The following SNTG2 variants were observed in gnomAD, a reference collection of about 807,000 sequenced individuals.
SNTG2 encodes the protein syntrophin gamma 2, also known as gamma-2-syntrophin.
SNTG2 carries 74 observed loss-of-function variants against 70.9 expected under a neutral mutation model. That is an observed-to-expected ratio of 1.04 (90% confidence interval 0.86 to 1.27). The LOEUF (loss-of-function observed/expected upper bound fraction) is 1.27, where lower values mean the gene tolerates loss of function less well. Ranked by LOEUF, SNTG2 falls within the 50% of genes most tolerant of loss-of-function variation. The pLI is 0.00. For synonymous variants in SNTG2, 278 were observed against 273.8 expected (o/e 1.02, Z -0.15); for missense variants, 717 against 690.7 (o/e 1.04, Z -0.43).
At chr2:1,261,958 G>A (rs911421077) in intron 13 of SNTG2, among the ~76,000 whole-genome samples, 1 of 152,148 alleles carries the variant, frequency 6.6e-6, no homozygotes, top group Admixed American at 6.5e-5. Flanking sequence ...GGTGTTCCGG[G>A]AGCCTGTCGC....
chr2:1,243,980 C>T (rs1275429039), intron 11 of SNTG2, among the ~76,000 whole-genome samples: 8 of 152,102 alleles, frequency 5.3e-5, no homozygotes, highest in East Asian at 1.9e-4. Flanking sequence ...GAGCCAAGAG[C>T]GTGCCACTGC....
intron 1 of SNTG2, among the ~76,000 whole-genome samples, chr2:1,012,756 C>A (rs1448616861): frequency 1.1e-5 from 1 of 91,054 alleles, no homozygotes; most frequent in Non-Finnish European, 2.5e-5. Context: ...GAAGGGTGGT[C>A]TGGAGAAGGA....
intron 1 of SNTG2, among the ~76,000 whole-genome samples, chr2:1,051,294 G>C (rs7581753): frequency 0.93 from 141,171 of 152,070 alleles, 65,680 homozygotes; most frequent in African/African-American, 0.98. Flanking sequence ...AGCACCCTTT[G>C]CTCATTCCTT....
chr2:1,240,193 G>A (rs1676956007), intron 11 of SNTG2, among the ~76,000 whole-genome samples: 2 of 152,134 alleles, frequency 1.3e-5, no homozygotes, highest in South Asian at 4.1e-4. Flanking sequence ...TCATTCTCAG[G>A]AGGGCTTTGG....
chr2:1,087,252 C>T (rs574652281), intron 2 of SNTG2, among the ~76,000 whole-genome samples: 1 of 152,332 alleles, frequency 6.6e-6, no homozygotes, highest in Non-Finnish European at 1.5e-5. Flanking sequence ...GTCCTCATGG[C>T]TGTGCTGGCC....
chr2:1,342,354 G>C (rs4971479), intron 16 of SNTG2, among the ~76,000 whole-genome samples: 6,045 of 44,610 alleles, frequency 0.14, 453 homozygotes, highest in African/African-American at 0.18. Context: ...AGAGTGGACT[G>C]GCACTTTTCC....
intron 4 of SNTG2, among the ~76,000 whole-genome samples, chr2:1,113,853 AAGTG>A (rs1303970971): frequency 4.6e-5 from 3 of 65,072 alleles, no homozygotes; most frequent in Non-Finnish European, 1.0e-4. Flanking sequence ...CGTGTGTACT[AAGTG>A]AGGATTAACC....
chr2:1,195,271 G>C (rs1558516488), intron 8 of SNTG2, among the ~76,000 whole-genome samples: 1 of 152,080 alleles, frequency 6.6e-6, no homozygotes, highest in Non-Finnish European at 1.5e-5. Flanking sequence ...TCAAATGGTA[G>C]TTCTAGTTCT....
intron 2 of SNTG2, among the ~76,000 whole-genome samples, chr2:1,095,104 G>A (rs1665305192): frequency 6.6e-6 from 1 of 152,206 alleles, no homozygotes; most frequent in South Asian, 2.1e-4. Flanking sequence ...AAAAAAGAGA[G>A]AGAGAGAGCG....
At chr2:1,057,844 G>T (rs1662562254) in intron 1 of SNTG2, among the ~76,000 whole-genome samples, 1 of 151,960 alleles carries the variant, frequency 6.6e-6, no homozygotes, top group South Asian at 2.1e-4. Context: ...AAATCTTCCA[G>T]CTGGACAACA....
chr2:1,312,365 A>C (rs1681041325), intron 15 of SNTG2, among the ~76,000 whole-genome samples: 1 of 152,012 alleles, frequency 6.6e-6, no homozygotes, highest in South Asian at 2.1e-4. Context: ...TCCTCTTCTC[A>C]CTCTCTGGAT....
chr2:970,725 A>G (rs551126171), intron 1 of SNTG2, among the ~76,000 whole-genome samples: 1 of 150,598 alleles, frequency 6.6e-6, no homozygotes, highest in East Asian at 2.0e-4. Context: ...GCCACAATAA[A>G]CATACGTGTG....
intron 15 of SNTG2, 63 bp downstream of exon 15, chr2:1,308,649 C>A: frequency 7.5e-7 from 1 of 1,329,590 alleles, no homozygotes; most frequent in Non-Finnish European, 1.1e-6. Context: ...ATTCCATGGG[C>A]GTTAACACTC....
intron 1 of SNTG2, among the ~76,000 whole-genome samples, chr2:959,121 C>T (rs575470282): frequency 2.6e-5 from 4 of 151,952 alleles, no homozygotes; most frequent in African/African-American, 9.7e-5. Context: ...AAATTCATTT[C>T]TATGTTGAAT....
At chr2:1,110,783 T>C (rs1482031201) in intron 4 of SNTG2, among the ~76,000 whole-genome samples, 1 of 152,238 alleles carries the variant, frequency 6.6e-6, no homozygotes, top group Non-Finnish European at 1.5e-5. Context: ...GTGATACAAC[T>C]ACTCAGGCCA....
In SNTG2 at chr2:1,353,269, A is replaced by G. The variant is rs1227648856; in HGVS notation, c.1489-14074A>G. ...AGAAACAGTGGGCGGAAGGAGCACGACCTGAGCTCCAGGGTGTGTTCATAT... is the reference window on the plus strand; with the variant it reads ...AGAAACAGTGGGCGGAAGGAGCACGGCCTGAGCTCCAGGGTGTGTTCATAT... On this transcript the variant is annotated intron_variant, in intron 16 of 16. Transcript: ENST00000308624. The surrounding 1 kb of genome is among the most constrained non-coding windows in gnomAD (Gnocchi z 4.2). Among the ~76,000 whole-genome samples the G allele has an allele frequency of 6.6e-6, 1 of 151,994 alleles. No homozygotes were observed. Among genetic ancestry groups the G allele is most frequent in the Non-Finnish European group, 1.5e-5 (1 of 67,990 alleles).
chr2:1,266,169 T>C (rs1182540718), intron 13 of SNTG2, among the ~76,000 whole-genome samples: 1 of 150,976 alleles, frequency 6.6e-6, no homozygotes, highest in Admixed American at 6.6e-5. Flanking sequence ...GACATAGAAA[T>C]GGAGACAGAG....
intron 1 of SNTG2, among the ~76,000 whole-genome samples, chr2:1,007,288 A>G (rs770209839): frequency 1.3e-5 from 2 of 152,122 alleles, no homozygotes; most frequent in Non-Finnish European, 2.9e-5. Context: ...TTCCTGACCC[A>G]CACGATCCTA....
intron 1 of SNTG2, among the ~76,000 whole-genome samples, chr2:1,058,078 A>G (rs1466579289): frequency 1.3e-5 from 2 of 152,216 alleles, no homozygotes; most frequent in African/African-American, 4.8e-5. Context: ...ATTAATATAA[A>G]TAACTTATAT....
Sources: gnomAD v4.1 joint callset for allele counts (sites outside exome capture counted in the v4.1 genomes callset) on GRCh38, gnomAD v4.1.1 for gene constraint, Gnocchi (gnomAD v3.1) non-coding constraint, MANE v1.5 for transcripts, NCBI Gene and HGNC (gene_info 2026-07-23, HGNC 2026-07-21) for gene names.